Variants in RGR observed in about 807,000 individuals in gnomAD.
The protein encoded by RGR is RPE-retinal G protein-coupled receptor.
In RGR, 30 loss-of-function variants were observed where a neutral mutation model predicts 28.6. The observed-to-expected ratio is 1.05, with a 90% CI of 0.78 to 1.42. The LOEUF (loss-of-function observed/expected upper bound fraction) is 1.42, where lower values mean the gene tolerates loss of function less well. RGR is among the 40% of genes most tolerant of loss of function. The pLI, the probability that RGR is intolerant of heterozygous loss-of-function variation, is 0.00. For missense variants in RGR, 404 were observed against 375.6 expected (o/e 1.08, Z -0.62); for synonymous variants, 180 against 156.4 (o/e 1.15, Z -1.13).
At position 84,258,889 on chromosome 10, in the gene RGR, A is replaced by G. The variant is rs1198363938; in HGVS notation, c.*250A>G. 1.9e-6 allele frequency: 1 copy of G among 515,654 alleles called. No homozygotes were observed. Among genetic ancestry groups the G allele is most frequent in the Non-Finnish European group, 3.5e-6 (1 of 285,230 alleles). The allele number at this position is 515,654 out of a possible 1,614,324, so 31.9% of individuals were successfully genotyped here. On this transcript the variant is annotated 3_prime_UTR_variant, in exon 7 of 7. Transcript: ENST00000652092. ...GGAAAGTCATTCCTTTTTAAAAATAATAATAAATGTAAGGGGGTACAGTGC... is the reference window on the plus strand; with the variant it reads ...GGAAAGTCATTCCTTTTTAAAAATAGTAATAAATGTAAGGGGGTACAGTGC...
intron 5 of RGR, chr10:84,255,404 A>G (rs1028824361): frequency 6.6e-6 from 1 of 152,242 alleles, no homozygotes; most frequent in Non-Finnish European, 1.5e-5. Context: ...GGTTTGGCAC[A>G]AAGTTACAGG....
rs770232509 is a variant in RGR, at chr10:84,248,953, G to A, written c.268G>A (p.Ala90Thr). The A allele has an allele frequency of 2.5e-6, 4 of 1,614,148 alleles. No individual in the cohort carries two copies. The highest frequency in any genetic ancestry group is 3.4e-6 in the Non-Finnish European group (4 of 1,180,024). Residue 90 changes from alanine (A) to threonine (T), a missense_variant, in exon 3 of 7, where the codon GCT becomes ACT. Transcript: ENST00000652092. ...GCCCTACGGCTCGGACGGCTGCCAG[G>A]CTCACGGCTTCCAGGGCTTTGTGAC... ...RWPYGSDGCQ[A>T]HGFQGFVTAL...
At position 84,257,903 on chromosome 10, in the gene RGR, C is replaced by G; in HGVS notation, c.641C>G (p.Thr214Ser). 2 of 1,614,122 alleles carry G rather than the reference C, an allele frequency of 1.2e-6. No individual in the cohort carries two copies. The highest frequency in any genetic ancestry group is 1.7e-6 in the Non-Finnish European group (2 of 1,180,004). ...ACAATTTCTCCCCAGGTAAACACCA[C>G]TCTGCCAGCAAGGACGCTGCTGCTC... ...GKSGHLQVNT[T>S]LPARTLLLGW... The change falls in exon 6 of 7, where the codon ACT becomes AGT. Residue 214 changes from threonine to serine, a missense_variant. By Grantham distance (58) the Thr-to-Ser change is moderately conservative. Transcript: ENST00000652092.
At chr10:84,246,123 A>G (rs1393584500) in intron 1 of RGR, among the ~76,000 whole-genome samples, 3 of 152,220 alleles carry the variant, frequency 2.0e-5, no homozygotes, top group Admixed American at 6.5e-5. Flanking sequence ...ATAAAATTTT[A>G]CCACTTTATT....
chr10:84,248,578 G>A (rs1842776288), intron 2 of RGR: 3 of 402,650 alleles, frequency 7.5e-6, no homozygotes, highest in Non-Finnish European at 1.4e-5. Flanking sequence ...CATCTTCTGT[G>A]TGACCTTGGC....
intron 3 of RGR, among the ~76,000 whole-genome samples, chr10:84,252,454 C>T (rs1589333065): frequency 1.3e-5 from 2 of 152,302 alleles, no homozygotes; most frequent in East Asian, 3.9e-4. Flanking sequence ...TATAGTGTGT[C>T]TATTTGGAGA....
At chr10:84,253,989 C>A (rs533281893) in intron 4 of RGR, among the ~76,000 whole-genome samples, 1 of 152,200 alleles carries the variant, frequency 6.6e-6, no homozygotes, top group Non-Finnish European at 1.5e-5. Context: ...AACCTTTGGG[C>A]CTAGAATGCT....
intron 2 of RGR, chr10:84,248,358 T>C (rs974856448): frequency 1.3e-5 from 4 of 306,132 alleles, no homozygotes; most frequent in Non-Finnish European, 2.2e-5. Context: ...GTTTATAAAA[T>C]TGTTTTCTGA....
chr10:84,247,861 G>A (rs1472794683), intron 2 of RGR, 114 bp downstream of exon 2: 8 of 1,469,120 alleles, frequency 5.4e-6, no homozygotes, highest in Non-Finnish European at 7.5e-6. Flanking sequence ...ATTGGCCAAG[G>A]GCAGAGGGTG....
Position 84,249,089 on chromosome 10 carries a change from G to C in RGR, c.358+46G>C, listed in dbSNP as rs566167999. The C allele has an allele frequency of 1.9e-6, 3 of 1,608,306 alleles. No individual in the cohort carries two copies. In the East Asian group the frequency reaches 6.7e-5, roughly 36 times the overall value. On this transcript the variant is annotated intron_variant, in intron 3 of 6. Coordinates refer to ENST00000652092, the MANE Select transcript of RGR (RefSeq NM_001012720.2). ...AGTGGAGGGACACCGATGCAGTGTG[G>C]AGAGGATAAGAGGCAGGGAGGGGCA...
In RGR at chr10:84,258,014, T is replaced by C. The variant is rs767230608; in HGVS notation, c.744+8T>C. Reference sequence around the variant, plus strand: ...TCCCCCAAACTGCAGATGGTACAGATACTTCTAGTACCTAAAACTAGACCC... The same window carrying C: ...TCCCCCAAACTGCAGATGGTACAGACACTTCTAGTACCTAAAACTAGACCC... On this transcript the variant is annotated splice_region_variant and intron_variant, in intron 6 of 6. Transcript: ENST00000652092. 9.4e-6 allele frequency: 15 copies of C among 1,603,088 alleles called. No individual in the cohort carries two copies. In the Admixed American group the frequency reaches 2.3e-4, roughly 25 times the overall value.
At chr10:84,250,477 A>G (rs1276139353) in intron 3 of RGR, 1 of 713,848 alleles carries the variant, frequency 1.4e-6, no homozygotes, top group Admixed American at 2.0e-5. Context: ...CACTCCTTAC[A>G]TCCCAGCCCC....
intron 3 of RGR, among the ~76,000 whole-genome samples, chr10:84,249,377 AC>A (rs35379266): frequency 0.067 from 10,241 of 152,090 alleles, 454 homozygotes; most frequent in Admixed American, 0.091. Flanking sequence ...CAGTGGTGTG[AC>A]CTCGGCTCAC....
Position 84,247,754 on chromosome 10 carries a change from G to A in RGR, c.236+7G>A. ...CCACATCCAGCCTTCTCCGGTACCA[G>A]CCCCCTCCCCAGTCCACAGGCTCTG... On this transcript the variant is annotated splice_region_variant and intron_variant, in intron 2 of 6. Transcript: ENST00000652092. 6.2e-7 allele frequency: 1 copy of A among 1,614,052 alleles called. No homozygotes were observed. The highest frequency in any genetic ancestry group is 1.3e-5 in the African/African-American group (1 of 75,044).
chr10:84,248,656 G>T (rs1564548587), intron 2 of RGR: 9 of 581,254 alleles, frequency 1.5e-5, no homozygotes, highest in South Asian at 1.0e-4. Context: ...GCTCTCCTGT[G>T]ACAGAGGGAT....
intron 5 of RGR, 87 bp from the exon 6 acceptor site, chr10:84,257,806 G>A (rs1025786000): frequency 1.7e-5 from 19 of 1,114,386 alleles, no homozygotes; most frequent in Non-Finnish European, 6.8e-6. Flanking sequence ...GCCCCGCCCT[G>A]CTGAGTGCTG....
Position 84,252,864 on chromosome 10 carries a change from G to A in RGR, c.366G>A (p.Gln122=). 9 of 1,614,092 alleles carry A rather than the reference G, an allele frequency of 5.6e-6. No individual in the cohort carries two copies. Among genetic ancestry groups the A allele is most frequent in the Non-Finnish European group, 7.6e-6 (9 of 1,180,034 alleles). Residue 122 remains glutamine, a synonymous_variant, in exon 4 of 7, where the codon CAG becomes CAA. Coordinates refer to ENST00000652092, the MANE Select transcript of RGR (RefSeq NM_001012720.2). The part of the protein sequence containing the change: ...GRYHHYCTRS[Q]LAWNSAVSLV... ...TTCCTCTGTCCTGTGCAGGTAGCCA[G>A]CTGGCCTGGAACTCAGCCGTCTCTC... is the stretch of plus-strand genomic sequence containing the variant.
chr10:84,254,186 C>A, intron 4 of RGR, 140 bp from the exon 5 acceptor site: 1 of 774,134 alleles, frequency 1.3e-6, no homozygotes. Flanking sequence ...CACCTGGGAC[C>A]CGGGAGCAAC....
chr10:84,248,137 G>T, intron 2 of RGR: 3 of 842,310 alleles, frequency 3.6e-6, no homozygotes, highest in Non-Finnish European at 5.1e-6. Context: ...TTAAAATAAT[G>T]CTTGATACCT....
Sources: gnomAD v4.1 joint callset for allele counts (sites outside exome capture counted in the v4.1 genomes callset) on GRCh38, gnomAD v4.1.1 for gene constraint, MANE v1.5 for transcripts, NCBI Gene and HGNC (gene_info 2026-07-23, HGNC 2026-07-21) for gene names.